Variants in NPAS3 observed in about 807,000 individuals in gnomAD.
NPAS3 encodes the protein neuronal PAS domain-containing protein 3.
In NPAS3, 14 loss-of-function variants were observed where a neutral mutation model predicts 73.1. The ratio of observed to expected loss-of-function variants is 0.19; its 90% CI spans 0.13 to 0.30. The LOEUF (loss-of-function observed/expected upper bound fraction) is 0.30, where lower values mean the gene tolerates loss of function less well. Ranked by LOEUF, NPAS3 falls within the 10% of genes least tolerant of loss-of-function variation. NPAS3 has a pLI of 1.00. For missense variants in NPAS3, 1,096 were observed against 1,250.0 expected (o/e 0.88, Z 1.86); for synonymous variants, 620 against 541.5 (o/e 1.14, Z -2.01).
intron 1 of NPAS3, among the ~76,000 whole-genome samples, chr14:33,031,332 A>G (rs2039980482): frequency 6.6e-6 from 1 of 152,218 alleles, no homozygotes; most frequent in Non-Finnish European, 1.5e-5. Context: ...GAAGTTTATT[A>G]TCCAGTTTTA....
intron 3 of NPAS3, among the ~76,000 whole-genome samples, chr14:33,353,172 A>T (rs904357411): frequency 2.0e-5 from 3 of 146,854 alleles, no homozygotes; most frequent in Non-Finnish European, 3.0e-5. Flanking sequence ...AAAAAAAAAA[A>T]TATTGGGAAA....
At chr14:33,434,740 AAAC>A (rs1230231892) in intron 4 of NPAS3, among the ~76,000 whole-genome samples, 1 of 152,210 alleles carries the variant, frequency 6.6e-6, no homozygotes, top group East Asian at 1.9e-4. Flanking sequence ...ACAGAAATAT[AAAC>A]AAGTATCAAG....
rs74042077 is a variant in NPAS3, at chr14:33,397,697, G to A, written c.468+30429G>A. Among the ~76,000 whole-genome samples, 1,294 of 152,146 alleles carry A rather than the reference G, an allele frequency of 8.5e-3. 14 individuals carry two copies. The highest frequency in any genetic ancestry group is 0.03 in the African/African-American group (1,236 of 41,506). On this transcript the variant is annotated intron_variant, in intron 4 of 11. Transcript: ENST00000356141. ...GGAGACAGGTATTATCTACATTTTG[G>A]GGATGAGAAAACCGATGTATGGAAA...
chr14:33,019,543 T>C (rs949948647), intron 1 of NPAS3, among the ~76,000 whole-genome samples: 7 of 152,180 alleles, frequency 4.6e-5, no homozygotes, highest in Admixed American at 4.6e-4. Context: ...TGGCTTATTT[T>C]AAGGTTTAGA....
intron 5 of NPAS3, among the ~76,000 whole-genome samples, chr14:33,560,566 A>G (rs2055593231): frequency 6.6e-6 from 1 of 152,170 alleles, no homozygotes; most frequent in African/African-American, 2.4e-5. Context: ...CTGGATGTTT[A>G]TGGAGTACCC....
At chr14:33,748,663 C>T (rs573377426) in intron 7 of NPAS3, among the ~76,000 whole-genome samples, 2 of 152,310 alleles carry the variant, frequency 1.3e-5, no homozygotes, top group African/African-American at 2.4e-5. Flanking sequence ...TCTGCAATGT[C>T]GGACAAACAG....
intron 1 of NPAS3, among the ~76,000 whole-genome samples, chr14:32,988,521 T>C (rs1389662351): frequency 6.6e-6 from 1 of 152,210 alleles, no homozygotes; most frequent in Non-Finnish European, 1.5e-5. Context: ...AAAACATGTT[T>C]AGGATTCAAG....
intron 1 of NPAS3, among the ~76,000 whole-genome samples, chr14:32,989,542 G>A (rs1358812761): frequency 1.3e-5 from 2 of 152,016 alleles, no homozygotes; most frequent in African/African-American, 4.8e-5. Context: ...TACGCGGCAG[G>A]CTGAGGCAGG....
At chr14:33,625,777 A>G (rs777639810) in intron 5 of NPAS3, among the ~76,000 whole-genome samples, 2 of 152,174 alleles carry the variant, frequency 1.3e-5, no homozygotes, top group Admixed American at 6.6e-5. Flanking sequence ...ATTGTCTCCA[A>G]ATAATAATAA....
chr14:33,436,373 G>T (rs2048991154), intron 4 of NPAS3, among the ~76,000 whole-genome samples: 1 of 152,084 alleles, frequency 6.6e-6, no homozygotes, highest in Non-Finnish European at 1.5e-5. Flanking sequence ...GGGCAAGTGT[G>T]GTATATTTCA....
intron 2 of NPAS3, among the ~76,000 whole-genome samples, chr14:33,079,821 A>G (rs193127236): frequency 0.057 from 8,658 of 151,502 alleles, 646 homozygotes; most frequent in East Asian, 0.35. Context: ...CATGTTGGCC[A>G]GGCTGGTCTC....
chr14:33,577,151 T>C (rs1290339453), intron 5 of NPAS3, among the ~76,000 whole-genome samples: 3 of 152,052 alleles, frequency 2.0e-5, no homozygotes, highest in African/African-American at 7.2e-5. Flanking sequence ...ATGGCAGAAA[T>C]ATGGTGTTCT....
intron 4 of NPAS3, among the ~76,000 whole-genome samples, chr14:33,444,023 A>T (rs1294672809): frequency 1.3e-5 from 2 of 152,164 alleles, no homozygotes; most frequent in African/African-American, 2.4e-5. Context: ...GAACTATTTA[A>T]TTTGGTACAT....
intron 2 of NPAS3, among the ~76,000 whole-genome samples, chr14:33,204,475 A>G (rs1355086854): frequency 6.6e-6 from 1 of 152,100 alleles, no homozygotes; most frequent in African/African-American, 2.4e-5. Flanking sequence ...TTCTTAACCC[A>G]GACTTGGGAC....
At chr14:33,404,027 C>T (rs539390561) in intron 4 of NPAS3, among the ~76,000 whole-genome samples, 2 of 152,268 alleles carry the variant, frequency 1.3e-5, no homozygotes, top group East Asian at 1.9e-4. Flanking sequence ...CAGCAGTAAT[C>T]GTGATGCACA....
chr14:33,360,972 C>A (rs1260163299), intron 3 of NPAS3, among the ~76,000 whole-genome samples: 1 of 152,048 alleles, frequency 6.6e-6, no homozygotes, highest in Non-Finnish European at 1.5e-5. Flanking sequence ...TAACCCACTG[C>A]CTTAAGGGTT....
intron 4 of NPAS3, among the ~76,000 whole-genome samples, chr14:33,511,196 G>A (rs1398092650): frequency 1.3e-5 from 2 of 152,074 alleles, no homozygotes; most frequent in African/African-American, 4.8e-5. Flanking sequence ...TGGCACAGTT[G>A]TGAATTCAAC....
exon 12 of NPAS3, chr14:33,799,979 G>C: frequency 6.2e-7 from 1 of 1,613,780 alleles, no homozygotes; most frequent in Non-Finnish European, 8.5e-7. Flanking sequence ...GATCAAGGTG[G>C]AGCGCTACGT....
intron 6 of NPAS3, among the ~76,000 whole-genome samples, chr14:33,711,125 G>A (rs750360078): frequency 3.3e-5 from 5 of 152,074 alleles, no homozygotes; most frequent in South Asian, 2.1e-4. Flanking sequence ...TAATACATAC[G>A]TGCATGCACT....
Sources: allele counts gnomAD v4.1 joint callset (sites outside exome capture counted in the v4.1 genomes callset), GRCh38; gene constraint gnomAD v4.1.1; transcripts MANE v1.5; gene names NCBI Gene and HGNC (gene_info 2026-07-23, HGNC 2026-07-21).